MRPS35: variants seen among roughly 807,000 people sequenced by gnomAD.
MRPS35 encodes small ribosomal subunit protein mS35.
MRPS35 carries 29 observed loss-of-function variants against 32.7 expected under a neutral mutation model. The ratio of observed to expected loss-of-function variants is 0.89; its 90% CI spans 0.66 to 1.21. MRPS35 has a LOEUF of 1.21. MRPS35 is among the 50% of genes most tolerant of loss of function. MRPS35 has a pLI of 0.00. For missense variants in MRPS35, 373 were observed against 383.8 expected (o/e 0.97, Z 0.23); for synonymous variants, 148 against 139.3 (o/e 1.06, Z -0.44).
rs1308628143 is a variant in MRPS35, at chr12:27,737,022, CGCATCACCATGCCTG to C, written c.633-514_633-500del. Among the ~76,000 whole-genome samples, 12 of 152,296 alleles carry C rather than the reference CGCATCACCATGCCTG, an allele frequency of 7.9e-5. No homozygotes were observed. In the East Asian group the frequency reaches 2.3e-3, roughly 29 times the overall value. On this transcript the variant is annotated intron_variant, in intron 6 of 7. Transcript: ENST00000081029. The stretch of plus-strand genomic sequence containing the variant: ...TCCCAAGTAGCTAGGACTACAGGTG[CGCATCACCATGCCTG>C]GCTAATTTTTTAATTTTTGTAGAAA...
In MRPS35 at chr12:27,724,151, G is replaced by A. The variant is rs780926033; in HGVS notation, c.487G>A (p.Val163Ile). 1 of 1,604,108 alleles carries A rather than the reference G, an allele frequency of 6.2e-7. No individual in the cohort carries two copies. The highest frequency in any genetic ancestry group is 1.3e-5 in the African/African-American group (1 of 74,192). ...TGATTATGTTTCATCAGGACCATCT[G>A]TTCGGAACCCCAGAGCACGAGTAGT... ...STDYVSSGPS[V>I]RNPRARVVVL... The change falls in exon 5 of 8, where the codon GTT becomes ATT. Residue 163 changes from valine to isoleucine, a missense_variant. Coordinates refer to ENST00000081029, the MANE Select transcript of MRPS35 (RefSeq NM_021821.4).
intron 7 of MRPS35, among the ~76,000 whole-genome samples, chr12:27,752,077 CAAA>C: frequency 1.3e-5 from 1 of 74,266 alleles, no homozygotes; most frequent in Non-Finnish European, 2.5e-5. Context: ...CCTGTCTCTA[CAAA>C]AAAAAAAATA....
At chr12:27,714,568 A>G (rs2061841733) in intron 1 of MRPS35, among the ~76,000 whole-genome samples, 1 of 149,596 alleles carries the variant, frequency 6.7e-6, no homozygotes. Flanking sequence ...TCTGGGTGAT[A>G]CGCCGAGACT....
intron 4 of MRPS35, among the ~76,000 whole-genome samples, chr12:27,722,351 G>T (rs1372327166): frequency 6.6e-6 from 1 of 152,110 alleles, no homozygotes; most frequent in Non-Finnish European, 1.5e-5. Flanking sequence ...ACAAACTAAG[G>T]TCTTCCAAAG....
chr12:27,748,927 G>A (rs2061990413), intron 7 of MRPS35, among the ~76,000 whole-genome samples: 1 of 152,156 alleles, frequency 6.6e-6, no homozygotes, highest in South Asian at 2.1e-4. Flanking sequence ...GGTGAGGTGG[G>A]AGAATCACTT....
chr12:27,749,733 T>C (rs1353104485), intron 7 of MRPS35, among the ~76,000 whole-genome samples: 2 of 152,210 alleles, frequency 1.3e-5, no homozygotes, highest in Admixed American at 1.3e-4. Flanking sequence ...CCCACTCCTC[T>C]TTGAAGTTGT....
intron 4 of MRPS35, among the ~76,000 whole-genome samples, chr12:27,720,436 G>GTTCT (rs2061869241): frequency 2.0e-5 from 3 of 149,226 alleles, no homozygotes; most frequent in African/African-American, 7.4e-5. Context: ...CATATAAGAA[G>GTTCT]ACTAAAGTAA....
rs148069579 is a variant in MRPS35 at position 27,752,566 on chromosome 12, G to A, written c.703-2615G>A. Among the ~76,000 whole-genome samples the A allele has an allele frequency of 9.2e-5, 14 of 152,220 alleles. No individual in the cohort carries two copies. The East Asian group carries it at 2.5e-3, about 27-fold the overall frequency. On this transcript the variant is annotated intron_variant, in intron 7 of 7. Coordinates refer to ENST00000081029, the MANE Select transcript of MRPS35 (RefSeq NM_021821.4). ...AGATGGAGTGACCGTTTTACTTAAC[G>A]CTTTATAAAATGTATTTGTCGGTTT...
intron 7 of MRPS35, among the ~76,000 whole-genome samples, chr12:27,754,728 C>G (rs944753054): frequency 1.4e-5 from 2 of 145,502 alleles, no homozygotes; most frequent in Non-Finnish European, 3.0e-5. Flanking sequence ...GATTGTGCCA[C>G]TGCACTCCAG....
At chr12:27,725,653 CT>C in intron 5 of MRPS35, 1 of 181,774 alleles carries the variant, frequency 5.5e-6, no homozygotes, top group Non-Finnish European at 1.2e-5. Context: ...TACATATTAC[CT>C]GTCAACTTGA....
rs1414532905 is a variant in MRPS35, at chr12:27,710,881, A to C, written c.38A>C (p.Gln13Pro). 1 of 1,611,952 alleles carries C rather than the reference A, an allele frequency of 6.2e-7. No homozygotes were observed. The highest frequency in any genetic ancestry group is 1.1e-5 in the South Asian group (1 of 91,076). ...GCGCTCCCAGCATGGCTGTCTCTGC[A>C]GTCGAGGGCAAGGACTCTGCGTGCA... ...AAALPAWLSL[Q>P]SRARTLRAFS... Residue 13 changes from glutamine to proline, a missense_variant, in exon 1 of 8, where the codon CAG becomes CCG. Gln to Pro is a moderately conservative substitution (Grantham distance 76). Coordinates refer to ENST00000081029, the MANE Select transcript of MRPS35 (RefSeq NM_021821.4).
intron 6 of MRPS35, among the ~76,000 whole-genome samples, chr12:27,736,091 C>T (rs984555418): frequency 3.9e-5 from 6 of 152,160 alleles, no homozygotes; most frequent in Non-Finnish European, 4.4e-5. Context: ...GGTATGTTTT[C>T]ACTAAATGGC....
chr12:27,723,670 T>A (rs998584491), intron 4 of MRPS35, among the ~76,000 whole-genome samples: 3 of 152,204 alleles, frequency 2.0e-5, no homozygotes, highest in African/African-American at 7.2e-5. Flanking sequence ...ATCTGTTACT[T>A]TTTTGAAAAC....
At chr12:27,730,597 A>G (rs1164411196) in intron 5 of MRPS35, among the ~76,000 whole-genome samples, 4 of 152,054 alleles carry the variant, frequency 2.6e-5, no homozygotes, top group Admixed American at 2.6e-4. Flanking sequence ...CTACAAGCGC[A>G]AGCCACCACG....
rs887317543 is a variant in MRPS35, at chr12:27,737,199, T to G, written c.633-340T>G. ...ACTTTTTAGATGAACTCATCAGATA[T>G]GTTCATGCTATCTGGCAGATTCTTA... is the stretch of plus-strand genomic sequence containing the variant. On this transcript the variant is annotated intron_variant, in intron 6 of 7. Coordinates refer to ENST00000081029, the MANE Select transcript of MRPS35 (RefSeq NM_021821.4). Among the ~76,000 whole-genome samples the G allele has an allele frequency of 1.5e-4, 23 of 152,356 alleles. No homozygotes were observed. In the South Asian group the frequency reaches 2.3e-3, roughly 15 times the overall value.
intron 7 of MRPS35, among the ~76,000 whole-genome samples, chr12:27,749,320 GA>G (rs1475634837): frequency 6.9e-6 from 1 of 145,124 alleles, no homozygotes; most frequent in Non-Finnish European, 1.5e-5. Flanking sequence ...AAGTGTTAAG[GA>G]AACTTACCAA....
chr12:27,733,430 A>G (rs1455765511), intron 5 of MRPS35, among the ~76,000 whole-genome samples: 1 of 152,168 alleles, frequency 6.6e-6, no homozygotes. Context: ...ACCACTTCTT[A>G]TATAAAAAGC....
At chr12:27,747,953 C>CAAATTA (rs986870310) in intron 7 of MRPS35, among the ~76,000 whole-genome samples, 1 of 152,192 alleles carries the variant, frequency 6.6e-6, no homozygotes, top group Non-Finnish European at 1.5e-5. Context: ...TTGCTCTGGG[C>CAAATTA]TTCAGCTGCC....
intron 4 of MRPS35, among the ~76,000 whole-genome samples, chr12:27,721,442 G>C (rs2061874693): frequency 6.6e-6 from 1 of 152,116 alleles, no homozygotes. Context: ...TGGATTGCTT[G>C]AGCTCAGGAG....
Sources: allele counts gnomAD v4.1 joint callset (sites outside exome capture counted in the v4.1 genomes callset), GRCh38; gene constraint gnomAD v4.1.1; transcripts MANE v1.5; gene names NCBI Gene and HGNC (gene_info 2026-07-23, HGNC 2026-07-21).